Variants in PTGER3 observed in about 807,000 individuals in gnomAD.
PTGER3 encodes prostaglandin E receptor 3.
Under a neutral mutation model 34.7 loss-of-function variants are expected in PTGER3, and 22 were observed. That is an observed-to-expected ratio of 0.63 (90% CI 0.45 to 0.91). The LOEUF (loss-of-function observed/expected upper bound fraction) is 0.91, where lower values mean the gene tolerates loss of function less well. PTGER3 is among the 40% of genes least tolerant of loss of function. PTGER3 has a pLI of 0.00. For missense variants in PTGER3, 468 were observed against 519.4 expected (o/e 0.90, Z 0.96); for synonymous variants, 241 against 230.1 (o/e 1.05, Z -0.43).
At chr1:71,008,149 G>C in intron 2 of PTGER3, 3 of 968,180 alleles carry the variant, frequency 3.1e-6, no homozygotes, top group Non-Finnish European at 3.7e-6. Flanking sequence ...AAGCACAGTA[G>C]AGTCAAGGGG....
At chr1:70,966,391 G>T (rs1245616247), downstream of PTGER3, among the ~76,000 whole-genome samples, 1 of 151,540 alleles carries the variant, frequency 6.6e-6, no homozygotes, top group East Asian at 1.9e-4. Flanking sequence ...AAAACCTATA[G>T]AAATAAAAAA....
chr1:70,976,948 A>G (rs1157587432), intron 2 of PTGER3, among the ~76,000 whole-genome samples: 2 of 152,128 alleles, frequency 1.3e-5, no homozygotes, highest in Admixed American at 6.6e-5. Context: ...TGTTCTTCCC[A>G]AATTGCCAAG....
At chr1:70,933,498 T>C (rs1023259711) in intron 4 of PTGER3, among the ~76,000 whole-genome samples, 4 of 152,242 alleles carry the variant, frequency 2.6e-5, no homozygotes, top group African/African-American at 9.6e-5. Flanking sequence ...CCAAATATTT[T>C]CCCCAAATAA....
chr1:71,005,790 C>G, intron 2 of PTGER3: 2 of 891,620 alleles, frequency 2.2e-6, no homozygotes, highest in Non-Finnish European at 2.7e-6. Flanking sequence ...GAATGTCTCA[C>G]CCCATGGCCT....
intron 4 of PTGER3, among the ~76,000 whole-genome samples, chr1:70,940,674 A>G (rs541458019): frequency 1.1e-4 from 16 of 152,276 alleles, no homozygotes; most frequent in Admixed American, 9.8e-4. Flanking sequence ...CTTTTTTACC[A>G]TCATGAGAAT....
intron 2 of PTGER3, among the ~76,000 whole-genome samples, chr1:70,964,598 A>G (rs1652312668): frequency 6.6e-6 from 1 of 152,178 alleles, no homozygotes; most frequent in Admixed American, 6.5e-5. Flanking sequence ...GACCCGCCCC[A>G]TGATTCAATT....
intron 2 of PTGER3, among the ~76,000 whole-genome samples, chr1:70,988,962 T>C (rs993421487): frequency 3.3e-5 from 5 of 152,148 alleles, no homozygotes; most frequent in Admixed American, 2.0e-4. Context: ...GGAGTTAACA[T>C]GAGGAGGCTG....
intron 4 of PTGER3, among the ~76,000 whole-genome samples, chr1:70,920,216 TTAAG>T (rs1647394618): frequency 6.6e-6 from 1 of 152,172 alleles, no homozygotes; most frequent in South Asian, 2.1e-4. Flanking sequence ...AAGAAACAAA[TTAAG>T]TGTCTCTAAA....
chr1:71,037,812 G>A (rs1320482328), intron 1 of PTGER3, among the ~76,000 whole-genome samples: 2 of 152,212 alleles, frequency 1.3e-5, no homozygotes, highest in Non-Finnish European at 2.9e-5. Context: ...TCTCTCTGTG[G>A]CACTCACTTG....
At chr1:70,912,142 T>C (rs1647074831) in intron 4 of PTGER3, among the ~76,000 whole-genome samples, 1 of 148,194 alleles carries the variant, frequency 6.7e-6, no homozygotes, top group South Asian at 2.1e-4. Context: ...CTTAAGTAGA[T>C]AACATCATTA....
chr1:70,974,445 CA>C, intron 2 of PTGER3, 57 bp from the exon 3 acceptor site: 1 of 772,324 alleles, frequency 1.3e-6, no homozygotes, highest in South Asian at 1.4e-5. Flanking sequence ...TAAAGAAAAG[CA>C]AAACCAAAAC....
intron 1 of PTGER3, among the ~76,000 whole-genome samples, chr1:71,028,357 T>C (rs926591230): frequency 2.0e-5 from 3 of 152,184 alleles, no homozygotes; most frequent in Non-Finnish European, 2.9e-5. Flanking sequence ...AAGACTGTAC[T>C]GCGAAAGAGA....
chr1:71,009,058 G>T (rs963426894), intron 2 of PTGER3: 2 of 984,982 alleles, frequency 2.0e-6, no homozygotes, highest in African/African-American at 3.5e-5. Context: ...TGCTGATGTG[G>T]AGAAGGTTGA....
chr1:70,868,315 GCTA>G (rs1432096107), intron 4 of PTGER3, among the ~76,000 whole-genome samples: 1 of 151,988 alleles, frequency 6.6e-6, no homozygotes, highest in African/African-American at 2.4e-5. Context: ...GAATACTTCT[GCTA>G]CTTATAGTTA....
At chr1:70,875,973 T>C (rs1235705364) in intron 4 of PTGER3, among the ~76,000 whole-genome samples, 1 of 152,200 alleles carries the variant, frequency 6.6e-6, no homozygotes, top group East Asian at 1.9e-4. Context: ...GATTGCTGGG[T>C]TGATTGATAA....
intron 4 of PTGER3, among the ~76,000 whole-genome samples, chr1:70,904,700 G>T (rs1351479699): frequency 6.6e-6 from 1 of 152,212 alleles, no homozygotes; most frequent in Non-Finnish European, 1.5e-5. Flanking sequence ...CATTCAAGAT[G>T]TGACTTGGGT....
chr1:70,922,754 T>C (rs1440688029), intron 4 of PTGER3, among the ~76,000 whole-genome samples: 2 of 152,138 alleles, frequency 1.3e-5, no homozygotes, highest in African/African-American at 4.8e-5. Flanking sequence ...TTATAAGAAG[T>C]CTTGGGAATA....
chr1:71,003,191 C>T (rs868434419), intron 2 of PTGER3, among the ~76,000 whole-genome samples: 9 of 152,116 alleles, frequency 5.9e-5, no homozygotes, highest in South Asian at 4.2e-4. Flanking sequence ...ATTTGTAAGA[C>T]GGTCTGTGAC....
At chr1:70,923,118 A>G (rs952026802) in intron 4 of PTGER3, among the ~76,000 whole-genome samples, 5 of 152,158 alleles carry the variant, frequency 3.3e-5, no homozygotes, top group African/African-American at 4.8e-5. Flanking sequence ...ATTGGGTGTA[A>G]CATCAATAAT....
Sources: allele counts gnomAD v4.1 joint callset (sites outside exome capture counted in the v4.1 genomes callset), GRCh38; gene constraint gnomAD v4.1.1; transcripts MANE v1.5; gene names NCBI Gene and HGNC (gene_info 2026-07-23, HGNC 2026-07-21).